Variants in VRK1 observed in about 807,000 individuals in gnomAD.
The protein encoded by VRK1 is VRK serine/threonine kinase 1.
A neutral mutation model predicts 57.1 loss-of-function variants in VRK1; 33 were observed. That is an observed-to-expected ratio of 0.58 (90% CI 0.44 to 0.77). VRK1 has a LOEUF of 0.77. Ranked by LOEUF, VRK1 falls within the 30% of genes least tolerant of loss-of-function variation. VRK1 has a pLI of 0.00. For missense variants in VRK1, 413 were observed against 477.3 expected (o/e 0.87, Z 1.25); for synonymous variants, 137 against 147.8 (o/e 0.93, Z 0.53).
chr14:96,851,574 G>A (rs1887952170), intron 5 of VRK1, among the ~76,000 whole-genome samples: 1 of 152,172 alleles, frequency 6.6e-6, no homozygotes, highest in Non-Finnish European at 1.5e-5. Flanking sequence ...AGAATTCTGA[G>A]TTACTTGTTC....
At chr14:96,806,933 C>T (rs1885904520) in intron 1 of VRK1, among the ~76,000 whole-genome samples, 1 of 149,500 alleles carries the variant, frequency 6.7e-6, no homozygotes, top group South Asian at 2.2e-4. Context: ...AGCAAATGAT[C>T]CTCCTCCTGA....
At chr14:96,833,317 C>A in intron 1 of VRK1, 150 bp from the exon 2 acceptor site, 1 of 772,812 alleles carries the variant, frequency 1.3e-6, no homozygotes. Context: ...GGATTTGAGC[C>A]ATTATAAGTC....
chr14:96,852,403 G>T (rs1000734805), intron 5 of VRK1, among the ~76,000 whole-genome samples: 7 of 152,158 alleles, frequency 4.6e-5, no homozygotes, highest in African/African-American at 1.7e-4. Flanking sequence ...TTAGCAGAAT[G>T]TTGTTACTGC....
At chr14:96,847,634 C>A (rs1290199290) in intron 5 of VRK1, among the ~76,000 whole-genome samples, 2 of 151,338 alleles carry the variant, frequency 1.3e-5, no homozygotes, top group African/African-American at 4.9e-5. Flanking sequence ...AAGCCAAACA[C>A]CCTGCCTTTT....
At chr14:96,828,899 G>T (rs1007851859) in intron 1 of VRK1, among the ~76,000 whole-genome samples, 3 of 152,140 alleles carry the variant, frequency 2.0e-5, no homozygotes, top group African/African-American at 7.2e-5. Flanking sequence ...AGATTATAGG[G>T]GCCAGCAAGA....
chr14:96,844,193 A>G (rs1285678286), intron 3 of VRK1, among the ~76,000 whole-genome samples: 1 of 152,206 alleles, frequency 6.6e-6, no homozygotes, highest in Non-Finnish European at 1.5e-5. Context: ...TTGGCTGGAA[A>G]CACTGCAAGT....
At chr14:96,855,695 A>G (rs1209464742) in intron 8 of VRK1, among the ~76,000 whole-genome samples, 1 of 152,168 alleles carries the variant, frequency 6.6e-6, no homozygotes, top group Non-Finnish European at 1.5e-5. Flanking sequence ...ACAACTTTGT[A>G]ACAGCTAACT....
intron 1 of VRK1, among the ~76,000 whole-genome samples, chr14:96,821,891 C>T (rs1886613077): frequency 6.6e-6 from 1 of 152,100 alleles, no homozygotes; most frequent in South Asian, 2.1e-4. Context: ...ATGTTCTTGC[C>T]TTAACGCCTT....
chr14:96,860,680 A>T lies in VRK1; in HGVS notation c.1013A>T (p.Lys338Ile), dbSNP rs779911846. Reference sequence around the variant, plus strand: ...GCTATAGGAAGTAAGGATGATGGCAAATTGGACCTCAGTGTTGTGGAGAAT... The same window carrying T: ...GCTATAGGAAGTAAGGATGATGGCATATTGGACCTCAGTGTTGTGGAGAAT... ...LKAIGSKDDG[K>I]LDLSVVENGG... The change falls in exon 11 of 13, where the codon AAA (lysine) becomes ATA (isoleucine). Residue 338 changes from lysine to isoleucine, a missense_variant. Physicochemically the swap from Lys to Ile is moderately radical, Grantham distance 102. Coordinates refer to ENST00000216639, the MANE Select transcript of VRK1 (RefSeq NM_003384.3). The T allele has an allele frequency of 2.5e-6, 4 of 1,613,420 alleles. No individual in the cohort carries two copies. Among genetic ancestry groups the T allele is most frequent in the Non-Finnish European group, 3.4e-6 (4 of 1,179,554 alleles).
intron 3 of VRK1, among the ~76,000 whole-genome samples, chr14:96,839,154 C>G (rs931079902): frequency 3.6e-5 from 5 of 138,506 alleles, no homozygotes; most frequent in Non-Finnish European, 7.7e-5. Context: ...TGGTATTAAA[C>G]AGTATATATT....
chr14:96,877,418 G>A (rs1485614836), intron 12 of VRK1: 2 of 1,026,084 alleles, frequency 1.9e-6, no homozygotes, highest in Non-Finnish European at 2.7e-6. Context: ...TTTTGAAGTA[G>A]TCCCTCTCTT....
chr14:96,808,812 C>T (rs961205511), intron 1 of VRK1, among the ~76,000 whole-genome samples: 6 of 152,138 alleles, frequency 3.9e-5, no homozygotes, highest in Non-Finnish European at 7.4e-5. Flanking sequence ...TTGGTTATTG[C>T]GTAACACACC....
chr14:96,855,097 G>T, intron 7 of VRK1, 127 bp from the exon 8 acceptor site: 1 of 1,310,916 alleles, frequency 7.6e-7, no homozygotes, highest in African/African-American at 1.5e-5. Context: ...TAAATTGTTT[G>T]GAGTGTTATG....
chr14:96,825,175 A>G (rs997097074), intron 1 of VRK1, among the ~76,000 whole-genome samples: 3 of 152,140 alleles, frequency 2.0e-5, no homozygotes, highest in African/African-American at 7.2e-5. Flanking sequence ...GGAAGCTAGG[A>G]TTGGCTTGAA....
chr14:96,850,379 A>G (rs1887899929), intron 5 of VRK1, among the ~76,000 whole-genome samples: 1 of 152,184 alleles, frequency 6.6e-6, no homozygotes. Flanking sequence ...ATTTTATCCA[A>G]GTCTCCAGAA....
Position 96,833,504 on chromosome 14 carries a change from A to T in VRK1, c.33A>T (p.Arg11Ser). The change falls in exon 2 of 13, where the codon AGA (arginine) becomes AGT (serine). Residue 11 changes from arginine (R) to serine (S), a missense_variant. Physicochemically the swap from Arg to Ser is moderately radical, Grantham distance 110. Around this residue, in one of 3 missense-constraint regions of VRK1, gnomAD observed 116 missense variants for 113.6 expected, o/e 1.02. Coordinates refer to ENST00000216639, the MANE Select transcript of VRK1 (RefSeq NM_003384.3). Reference sequence around the variant, plus strand: ...GTGTAAAAGCAGCTCAAGCTGGAAGACAGAGCTCTGCAAAGAGACATCTTG... The same window carrying T: ...GTGTAAAAGCAGCTCAAGCTGGAAGTCAGAGCTCTGCAAAGAGACATCTTG... MPRVKAAQAG[R>S]QSSAKRHLAE... The T allele has an allele frequency of 6.2e-7, 1 of 1,613,772 alleles. No individual in the cohort carries two copies. Among genetic ancestry groups the T allele is most frequent in the Non-Finnish European group, 8.5e-7 (1 of 1,179,760 alleles).
intron 5 of VRK1, among the ~76,000 whole-genome samples, chr14:96,849,109 A>G (rs1887839611): frequency 6.6e-6 from 1 of 152,162 alleles, no homozygotes; most frequent in South Asian, 2.1e-4. Flanking sequence ...ACAGTTTGGA[A>G]CCCATGTATA....
chr14:96,800,280 G>A (rs1198096791), intron 1 of VRK1, among the ~76,000 whole-genome samples: 1 of 152,074 alleles, frequency 6.6e-6, no homozygotes, highest in Non-Finnish European at 1.5e-5. Flanking sequence ...CCAGCATTCT[G>A]AAGTTGCTGT....
At chr14:96,851,206 T>C (rs1279125610) in intron 5 of VRK1, among the ~76,000 whole-genome samples, 3 of 151,982 alleles carry the variant, frequency 2.0e-5, no homozygotes, top group African/African-American at 7.3e-5. Context: ...AGTGGCTCAA[T>C]CTTGGCTCAC....
Sources: allele counts gnomAD v4.1 joint callset (sites outside exome capture counted in the v4.1 genomes callset), GRCh38; gene constraint gnomAD v4.1.1; regional missense constraint gnomAD v4.1.1; transcripts MANE v1.5; gene names NCBI Gene and HGNC (gene_info 2026-07-23, HGNC 2026-07-21).